Variants in HNF4G observed in about 807,000 individuals in gnomAD.
HNF4G encodes the protein hepatocyte nuclear factor 4 gamma, also known as hepatocyte nuclear factor 4-gamma.
HNF4G carries 21 observed loss-of-function variants against 50.9 expected under a neutral mutation model. The observed-to-expected ratio is 0.41, with a 90% CI of 0.29 to 0.59. The LOEUF (loss-of-function observed/expected upper bound fraction) is 0.59, where lower values mean the gene tolerates loss of function less well. Ranked by LOEUF, HNF4G falls within the 20% of genes least tolerant of loss-of-function variation. The pLI, the probability that HNF4G is intolerant of heterozygous loss-of-function variation, is 0.26. For synonymous variants in HNF4G, 198 were observed against 185.6 expected (o/e 1.07, Z -0.54); for missense variants, 527 against 559.4 (o/e 0.94, Z 0.58).
chr8:75,415,643 CT>C (rs1182452859), intron 1 of HNF4G, among the ~76,000 whole-genome samples: 1 of 152,180 alleles, frequency 6.6e-6, no homozygotes, highest in Non-Finnish European at 1.5e-5. Flanking sequence ...GTGTTTCCCC[CT>C]GGATCAATTT....
intron 1 of HNF4G, among the ~76,000 whole-genome samples, chr8:75,477,149 G>A (rs1812260198): frequency 6.6e-6 from 1 of 152,116 alleles, no homozygotes; most frequent in South Asian, 2.1e-4. Context: ...GCATTTCCCA[G>A]TTTTGCTTCA....
intron 2 of HNF4G, among the ~76,000 whole-genome samples, chr8:75,490,795 C>T (rs1424151020): frequency 6.6e-6 from 1 of 152,252 alleles, no homozygotes; most frequent in East Asian, 1.9e-4. Context: ...GTAAACAAAA[C>T]AATTTGAGCA....
intron 1 of HNF4G, among the ~76,000 whole-genome samples, chr8:75,482,917 A>G (rs1428393672): frequency 6.6e-6 from 1 of 152,206 alleles, no homozygotes; most frequent in Non-Finnish European, 1.5e-5. Context: ...TGTTGGCTGA[A>G]GTAATTCCTA....
intron 2 of HNF4G, among the ~76,000 whole-genome samples, chr8:75,500,562 T>C (rs1468677765): frequency 6.6e-6 from 1 of 152,204 alleles, no homozygotes; most frequent in Non-Finnish European, 1.5e-5. Flanking sequence ...TGAAAAAATA[T>C]GTAACAATGT....
intron 1 of HNF4G, among the ~76,000 whole-genome samples, chr8:75,468,488 G>A (rs560539889): frequency 3.3e-5 from 5 of 152,260 alleles, no homozygotes; most frequent in Non-Finnish European, 7.4e-5. Context: ...GAGGTCAGGA[G>A]TTCGAGACCA....
Position 75,555,987 on chromosome 8 carries a change from A to G in HNF4G, c.651A>G (p.Ala217=), listed in dbSNP as rs763703094. 3.3e-6 allele frequency: 5 copies of G among 1,528,010 alleles called. No individual in the cohort carries two copies. The Admixed American group carries it at 9.5e-5, about 29-fold the overall frequency. 94.7% of individuals were successfully genotyped at this position (1,528,010 alleles called of 1,614,324 possible). ...FCELPLDDQV[A]LLRAHAGEHL... ...ACTGAGAATTTTTCATTAAGGTGGC[A>G]CTGTTGAGAGCTCACGCAGGGGAGC... is the stretch of plus-strand genomic sequence containing the variant. The change falls in exon 6 of 10, where the codon GCA becomes GCG. Residue 217 remains alanine, a synonymous_variant. Transcript: ENST00000396423.
chr8:75,448,280 T>G (rs563704615), intron 1 of HNF4G, among the ~76,000 whole-genome samples: 2 of 89,388 alleles, frequency 2.2e-5, no homozygotes, highest in Non-Finnish European at 2.1e-5. Flanking sequence ...CTGGGGACTG[T>G]GGTGGGGTGG....
chr8:75,448,150 G>A (rs1277882415), intron 1 of HNF4G, among the ~76,000 whole-genome samples: 63 of 129,612 alleles, frequency 4.9e-4, no homozygotes, highest in Admixed American at 1.5e-3. Flanking sequence ...GGATGAAATT[G>A]GAAATCATCA....
chr8:75,564,118 G>T lies in HNF4G; in HGVS notation c.*22G>T. ...GTGAAAATGTGTTTACTTCAGAACGGCACTACATAAATGTGAAAAGTTGTT... is the reference window on the plus strand; with the variant it reads ...GTGAAAATGTGTTTACTTCAGAACGTCACTACATAAATGTGAAAAGTTGTT... On this transcript the variant is annotated 3_prime_UTR_variant, in exon 10 of 10. Transcript: ENST00000396423. The T allele has an allele frequency of 6.2e-7, 1 of 1,611,180 alleles. No individual in the cohort carries two copies. The highest frequency in any genetic ancestry group is 8.5e-7 in the Non-Finnish European group (1 of 1,178,406).
intron 2 of HNF4G, 58 bp from the exon 3 acceptor site, chr8:75,547,529 T>G: frequency 8.4e-7 from 1 of 1,195,476 alleles, no homozygotes; most frequent in Non-Finnish European, 1.2e-6. Flanking sequence ...TTTGTCTGTT[T>G]ATTTGCTTCT....
chr8:75,529,451 T>A (rs928473188), intron 2 of HNF4G, among the ~76,000 whole-genome samples: 3 of 152,008 alleles, frequency 2.0e-5, no homozygotes, highest in African/African-American at 4.8e-5. Context: ...TCATCTTAGC[T>A]GTAGGCAAAA....
chr8:75,558,559 A>T lies in HNF4G; in HGVS notation c.775A>T (p.Ile259Phe). The T allele has an allele frequency of 1.2e-6, 2 of 1,613,900 alleles. No individual in the cohort carries two copies. Among genetic ancestry groups the T allele is most frequent in the Non-Finnish European group, 1.7e-6 (2 of 1,179,866 alleles). Residue 259 changes from isoleucine (I) to phenylalanine (F), a missense_variant, in exon 7 of 10, where the codon ATT (isoleucine) becomes TTT (phenylalanine). Ile to Phe is a conservative substitution (Grantham distance 21). This residue lies in a region of HNF4G where 308 missense variants were observed against 301.5 expected (regional missense o/e 1.02). Transcript: ENST00000396423. Reference protein sequence around the residue: ...VIHRNSCEVEISRVANRVLDE... With the variant: ...VIHRNSCEVEFSRVANRVLDE... The stretch of plus-strand genomic sequence containing the variant: ...TCACCGCAACAGCTGTGAAGTTGAG[A>T]TTAGCCGTGTGGCCAATCGTGTTCT...
rs1352625532 is a variant in HNF4G, at chr8:75,564,824, G to A, written c.*728G>A. On this transcript the variant is annotated 3_prime_UTR_variant, in exon 10 of 10. Transcript: ENST00000396423. The stretch of plus-strand genomic sequence containing the variant: ...CCCTAAAACAGTGACTAAATCAAGA[G>A]AGGAATCTATTTCTTTCTCCTGAAA... 3 of 152,190 alleles carry A rather than the reference G, an allele frequency of 2.0e-5. No homozygotes were observed. The highest frequency in any genetic ancestry group is 4.4e-5 in the Non-Finnish European group (3 of 68,022). The allele number at this position is 152,190 out of a possible 1,614,324, so 9.4% of individuals were successfully genotyped here. A position where few individuals can be genotyped will look rare whatever the true frequency, so the allele number is the denominator to read the frequency against.
chr8:75,563,240 T>C (rs1250615561), intron 9 of HNF4G, among the ~76,000 whole-genome samples: 1 of 152,132 alleles, frequency 6.6e-6, no homozygotes, highest in African/African-American at 2.4e-5. Context: ...TCCTGGATTA[T>C]TTTATAATAT....
rs192940216 is a variant in HNF4G, at chr8:75,564,233, T to C, written c.*137T>C. 4 of 811,472 alleles carry C rather than the reference T, an allele frequency of 4.9e-6. No homozygotes were observed. Among genetic ancestry groups the C allele is most frequent in the Non-Finnish European group, 7.7e-6 (4 of 519,338 alleles). The allele number at this position is 811,472 out of a possible 1,614,324, so 50.3% of individuals were successfully genotyped here. A position where few individuals can be genotyped will look rare whatever the true frequency, so the allele number is the denominator to read the frequency against. On this transcript the variant is annotated 3_prime_UTR_variant, in exon 10 of 10. Transcript: ENST00000396423. ...TGTTATAAGATGGTGTCCTATTTTC[T>C]TGTTTATACGTTCATTCTGTTTGTT... is the stretch of plus-strand genomic sequence containing the variant.
At chr8:75,499,077 A>G (rs951684611) in intron 2 of HNF4G, among the ~76,000 whole-genome samples, 12 of 152,102 alleles carry the variant, frequency 7.9e-5, no homozygotes, top group Non-Finnish European at 1.6e-4. Context: ...TTGGAAATGA[A>G]GAAGTAAAAC....
At chr8:75,503,418 G>A (rs1297168306) in intron 2 of HNF4G, among the ~76,000 whole-genome samples, 1 of 152,192 alleles carries the variant, frequency 6.6e-6, no homozygotes, top group Non-Finnish European at 1.5e-5. Flanking sequence ...AATAGTAAGA[G>A]TGATAGTTCA....
At chr8:75,447,018 C>CT (rs1811436168) in intron 1 of HNF4G, among the ~76,000 whole-genome samples, 1 of 146,306 alleles carries the variant, frequency 6.8e-6, no homozygotes. Context: ...ATCACACTAC[C>CT]TGACTTCAAA....
intron 1 of HNF4G, among the ~76,000 whole-genome samples, chr8:75,464,071 G>A (rs61056986): frequency 0.015 from 2,353 of 152,100 alleles, 64 homozygotes; most frequent in African/African-American, 0.054. Flanking sequence ...ACCGTGCCCG[G>A]ACACATTGAC....
Sources: gnomAD v4.1 joint callset for allele counts (sites outside exome capture counted in the v4.1 genomes callset) on GRCh38, gnomAD v4.1.1 for gene constraint, gnomAD v4.1.1 regional missense constraint, MANE v1.5 for transcripts, NCBI Gene and HGNC (gene_info 2026-07-23, HGNC 2026-07-21) for gene names.